Variants in PRDM11 observed in about 807,000 individuals in gnomAD.
PRDM11 encodes PR/SET domain 11.
Under a neutral mutation model 97.8 loss-of-function variants are expected in PRDM11, and 20 were observed. That is an observed-to-expected ratio of 0.20 (90% CI 0.14 to 0.30). PRDM11 has a LOEUF of 0.30. PRDM11 is among the 10% of genes least tolerant of loss of function. The pLI is 1.00. For missense variants in PRDM11, 1,139 were observed against 1,555.2 expected (o/e 0.73, Z 4.50); for synonymous variants, 599 against 637.7 (o/e 0.94, Z 0.91).
chr11:45,226,284 G>A lies in PRDM11; in HGVS notation c.1659G>A (p.Lys553=). The A allele has an allele frequency of 2.0e-6, 3 of 1,533,996 alleles. No individual in the cohort carries two copies. Among genetic ancestry groups the A allele is most frequent in the Non-Finnish European group, 1.7e-6 (2 of 1,146,742 alleles). The change falls in exon 8 of 8, where the codon AAG becomes AAA. Residue 553 remains lysine, a synonymous_variant. Transcript: ENST00000683152. ...SAFIIGSKQF[K]IHTIKLHSQS... is the part of the protein sequence containing the mutation. Reference sequence around the variant, plus strand: ...TCATCATTGGCTCCAAGCAGTTTAAGATTCACACCATCAAACTTCACAGCC... The same window carrying A: ...TCATCATTGGCTCCAAGCAGTTTAAAATTCACACCATCAAACTTCACAGCC...
At chr11:45,127,943 C>A (rs1852618176) in intron 1 of PRDM11, among the ~76,000 whole-genome samples, 2 of 152,252 alleles carry the variant, frequency 1.3e-5, no homozygotes, top group South Asian at 4.1e-4. Flanking sequence ...GCCCTGCCCC[C>A]AGAGGTGGAG....
chr11:45,146,953 G>C (rs1460027106), intron 1 of PRDM11, 76 bp downstream of exon 1: 1 of 146,228 alleles, frequency 6.8e-6, no homozygotes, highest in Non-Finnish European at 1.5e-5. Flanking sequence ...CAGCGAGCGC[G>C]GGGGCCGCCG....
chr11:45,197,773 A>G (rs979544694), intron 4 of PRDM11, among the ~76,000 whole-genome samples: 2 of 152,190 alleles, frequency 1.3e-5, no homozygotes, highest in African/African-American at 4.8e-5. Context: ...TCGCAAGGAC[A>G]GAAAACCAAA....
intron 1 of PRDM11, among the ~76,000 whole-genome samples, chr11:45,181,406 C>A (rs912513647): frequency 6.6e-6 from 1 of 152,232 alleles, no homozygotes; most frequent in Non-Finnish European, 1.5e-5. Flanking sequence ...TCCCTTCTCC[C>A]CTTTGCAGTT....
chr11:45,119,126 C>T (rs1852366452), intron 1 of PRDM11, among the ~76,000 whole-genome samples: 1 of 152,194 alleles, frequency 6.6e-6, no homozygotes, highest in Admixed American at 6.5e-5. Context: ...CAAGCTGAGG[C>T]TCTGATCTAT....
At chr11:45,133,924 G>A (rs1208846702) in intron 1 of PRDM11, among the ~76,000 whole-genome samples, 1 of 152,164 alleles carries the variant, frequency 6.6e-6, no homozygotes, top group Admixed American at 6.5e-5. Flanking sequence ...GTTTGAGATG[G>A]GCCCCCAAAT....
chr11:45,095,027 G>A (rs1159395117), upstream of PRDM11, among the ~76,000 whole-genome samples: 1 of 152,124 alleles, frequency 6.6e-6, no homozygotes, highest in African/African-American at 2.4e-5. Context: ...ACAGGCATGG[G>A]GGCAGGGAAC....
intron 3 of PRDM11, among the ~76,000 whole-genome samples, chr11:45,182,622 G>A (rs1852551294): frequency 6.6e-6 from 1 of 152,206 alleles, no homozygotes; most frequent in Non-Finnish European, 1.5e-5. Flanking sequence ...GGACTCCAAA[G>A]CCATGCTCTT....
intron 1 of PRDM11, among the ~76,000 whole-genome samples, chr11:45,103,218 A>G (rs1039835458): frequency 3.3e-5 from 5 of 151,944 alleles, no homozygotes; most frequent in African/African-American, 1.2e-4. Context: ...AGAAACCCTG[A>G]CCACCCCGCC....
intron 1 of PRDM11, among the ~76,000 whole-genome samples, chr11:45,141,185 T>C (rs1243308213): frequency 1.3e-5 from 2 of 152,234 alleles, no homozygotes; most frequent in African/African-American, 4.8e-5. Flanking sequence ...CATGATCATC[T>C]ACAAGCTCCA....
At chr11:45,130,616 T>A (rs1852696350) in intron 1 of PRDM11, among the ~76,000 whole-genome samples, 1 of 152,216 alleles carries the variant, frequency 6.6e-6, no homozygotes, top group Non-Finnish European at 1.5e-5. Flanking sequence ...TTTGAGAGTG[T>A]AAATTGATAC....
At position 45,235,017 on chromosome 11, in the gene PRDM11, T is replaced by C. The variant is rs546602720; in HGVS notation, c.*6858T>C. 2 of 152,366 alleles carry C rather than the reference T, an allele frequency of 1.3e-5. No individual in the cohort carries two copies. The highest frequency in any genetic ancestry group is 2.1e-4 in the South Asian group (1 of 4,834). The allele number at this position is 152,366 out of a possible 1,614,324, so 9.4% of individuals were successfully genotyped here. Reference sequence around the variant, plus strand: ...AGAACACTGGATACAAATAGAGCTATGTTGGTTTATCATAATATGTACGCA... The same window carrying C: ...AGAACACTGGATACAAATAGAGCTACGTTGGTTTATCATAATATGTACGCA... On this transcript the variant is annotated 3_prime_UTR_variant, in exon 8 of 8. Transcript: ENST00000683152.
At chr11:45,207,833 G>A (rs563896130) in intron 5 of PRDM11, among the ~76,000 whole-genome samples, 1 of 152,224 alleles carries the variant, frequency 6.6e-6, no homozygotes, top group Non-Finnish European at 1.5e-5. Context: ...GCTGAAGGAT[G>A]TTGGTGCCGC....
chr11:45,107,997 C>CGG (rs1852093141), intron 1 of PRDM11, among the ~76,000 whole-genome samples: 1 of 151,926 alleles, frequency 6.6e-6, no homozygotes, highest in Non-Finnish European at 1.5e-5. Context: ...GCCTGGCTAA[C>CGG]TTATTTTGTG....
chr11:45,194,590 CTGTTTTTTTTT>C (rs574742763), intron 4 of PRDM11, among the ~76,000 whole-genome samples: 2,579 of 89,994 alleles, frequency 0.029, 111 homozygotes, highest in Non-Finnish European at 0.044. Context: ...TTATTATCTT[CTGTTTTTTTTT>C]TTTTTTTTTT....
chr11:45,167,631 T>G (rs564969701), intron 1 of PRDM11, among the ~76,000 whole-genome samples: 1 of 152,110 alleles, frequency 6.6e-6, no homozygotes, highest in Non-Finnish European at 1.5e-5. Flanking sequence ...ACCAACTTAA[T>G]TACCTATATC....
chr11:45,174,519 C>G (rs1852281309), intron 1 of PRDM11, among the ~76,000 whole-genome samples: 1 of 152,158 alleles, frequency 6.6e-6, no homozygotes, highest in Non-Finnish European at 1.5e-5. Context: ...ATATGGGGGT[C>G]CTTACCGATT....
intron 5 of PRDM11, among the ~76,000 whole-genome samples, chr11:45,210,263 G>A (rs1007645238): frequency 6.6e-6 from 1 of 152,066 alleles, no homozygotes; most frequent in African/African-American, 2.4e-5. Flanking sequence ...TCCGCCACCC[G>A]CTCCCCACCC....
chr11:45,147,205 G>C (rs1369817795), intron 1 of PRDM11: 1 of 151,858 alleles, frequency 6.6e-6, no homozygotes, highest in African/African-American at 2.4e-5. Flanking sequence ...CTCCGCAAGC[G>C]GCGCGCCCGC....
Sources: gnomAD v4.1 joint callset for allele counts (sites outside exome capture counted in the v4.1 genomes callset) on GRCh38, gnomAD v4.1.1 for gene constraint, MANE v1.5 for transcripts, NCBI Gene and HGNC (gene_info 2026-07-23, HGNC 2026-07-21) for gene names.